EVC2: variants seen among roughly 807,000 people sequenced by gnomAD.
EVC2 encodes the protein limbin.
Under a neutral mutation model 149.3 loss-of-function variants are expected in EVC2, and 148 were observed. The observed-to-expected ratio is 0.99, with a 90% CI of 0.87 to 1.14. The LOEUF (loss-of-function observed/expected upper bound fraction) is 1.14, where lower values mean the gene tolerates loss of function less well. Among genes scored for constraint, EVC2 ranks in the 50% most tolerant of loss-of-function variants. The pLI, the probability that EVC2 is intolerant of heterozygous loss-of-function variation, is 0.00. For missense variants in EVC2, 1,854 were observed against 1,627.3 expected, an observed-to-expected ratio of 1.14 and a Z score of -2.40; for synonymous variants, 776 against 649.9, an observed-to-expected ratio of 1.19 and a Z score of -2.95.
At chr4:5,560,602 G>A (rs942154235), downstream of EVC2, among the ~76,000 whole-genome samples, 2 of 152,128 alleles carry the variant, frequency 1.3e-5, no homozygotes, top group Non-Finnish European at 2.9e-5. The surrounding 1 kb of genome is among the most constrained non-coding windows in gnomAD (Gnocchi z 4.1). Flanking sequence ...GGATTATAAG[G>A]ATTACAATTC....
intron 16 of EVC2, among the ~76,000 whole-genome samples, chr4:5,587,667 GTCT>G (rs1712413279): frequency 1.3e-5 from 2 of 152,188 alleles, no homozygotes; most frequent in African/African-American, 4.8e-5. Context: ...CAAGACTCCT[GTCT>G]CAAGAGCTGA....
intron 1 of EVC2, among the ~76,000 whole-genome samples, chr4:5,702,645 A>C (rs1490355969): frequency 6.6e-6 from 1 of 152,244 alleles, no homozygotes; most frequent in Non-Finnish European, 1.5e-5. Flanking sequence ...TGGCTACTGT[A>C]GTGGACAGTG....
chr4:5,703,222 G>A (rs73795007), intron 1 of EVC2, among the ~76,000 whole-genome samples: 3,571 of 152,288 alleles, frequency 0.023, 52 homozygotes, highest in Middle Eastern at 0.044. Context: ...TTGATGTTCC[G>A]TGAGGACTTA....
the EVC2 span, among the ~76,000 whole-genome samples, chr4:5,536,875 A>G: frequency 6.6e-6 from 1 of 152,174 alleles, no homozygotes; most frequent in Admixed American, 6.5e-5. Flanking sequence ...GAGAAAAATA[A>G]GCTAAGAAGT....
chr4:5,671,797 A>G (rs1719668040), intron 7 of EVC2, among the ~76,000 whole-genome samples: 1 of 152,204 alleles, frequency 6.6e-6, no homozygotes, highest in South Asian at 2.1e-4. Context: ...GACGTCAGCC[A>G]CTGCGCCTGG....
At chr4:5,650,177 G>A (rs1718006133) in intron 9 of EVC2, among the ~76,000 whole-genome samples, 1 of 152,104 alleles carries the variant, frequency 6.6e-6, no homozygotes, top group South Asian at 2.1e-4. Flanking sequence ...GCAGACAGAT[G>A]CCACTAACTC....
At chr4:5,572,458 T>G (rs76698870) in intron 19 of EVC2, among the ~76,000 whole-genome samples, 1 of 152,124 alleles carries the variant, frequency 6.6e-6, no homozygotes, top group African/African-American at 2.4e-5. Flanking sequence ...TTAGCCCTTT[T>G]TGCCTTCCCA....
chr4:5,631,680 G>A, intron 11 of EVC2, 113 bp downstream of exon 11: 1 of 1,399,614 alleles, frequency 7.1e-7, no homozygotes, highest in Non-Finnish European at 9.7e-7. Context: ...AGAAGAGAAA[G>A]CTCACTAGTG....
At chr4:5,629,680 C>T (rs1716387414) in intron 11 of EVC2, among the ~76,000 whole-genome samples, 2 of 152,236 alleles carry the variant, frequency 1.3e-5, no homozygotes, top group African/African-American at 4.8e-5. Flanking sequence ...TGGGAATTAG[C>T]ATCATCCAGT....
chr4:5,641,282 A>C (rs1717312450), intron 9 of EVC2, among the ~76,000 whole-genome samples: 1 of 152,222 alleles, frequency 6.6e-6, no homozygotes. Flanking sequence ...ATTAAAAACT[A>C]TGAAAATCTG....
chr4:5,563,245 AT>A (rs2108765418), intron 21 of EVC2, 130 bp from the exon 22 acceptor site: 1 of 899,726 alleles, frequency 1.1e-6, no homozygotes, highest in South Asian at 1.5e-5. Context: ...ACAAAAGGTT[AT>A]TTTCCCCCTT....
intron 9 of EVC2, among the ~76,000 whole-genome samples, chr4:5,647,543 G>A (rs55643200): frequency 0.028 from 4,294 of 152,268 alleles, 197 homozygotes; most frequent in African/African-American, 0.098. Flanking sequence ...AGGTTACAAA[G>A]CAAGAAAGAA....
At chr4:5,624,345 C>A (rs1715947388) in intron 13 of EVC2, among the ~76,000 whole-genome samples, 1 of 152,170 alleles carries the variant, frequency 6.6e-6, no homozygotes, top group African/African-American at 2.4e-5. Flanking sequence ...GTCACTCAAA[C>A]CAGCACTCCT....
At position 5,692,123 on chromosome 4, in the gene EVC2, G is replaced by A. The variant is rs1485231706; in HGVS notation, c.451-790C>T. Among the ~76,000 whole-genome samples the A allele has an allele frequency of 3.3e-5, 5 of 152,180 alleles. No individual in the cohort carries two copies. In the East Asian group the frequency reaches 9.6e-4, roughly 29 times the overall value. On this transcript the variant is annotated intron_variant, in intron 3 of 21. Transcript: ENST00000344408. ...CCTGTCACCTGCAGTGGAACAAGCTGTATTCTGAGTCACGGACTCTGGCAG... is the reference window on the plus strand; with the variant it reads ...CCTGTCACCTGCAGTGGAACAAGCTATATTCTGAGTCACGGACTCTGGCAG...
At chr4:5,667,995 A>G (rs1287681365) in intron 7 of EVC2, among the ~76,000 whole-genome samples, 1 of 152,252 alleles carries the variant, frequency 6.6e-6, no homozygotes. Flanking sequence ...TTCTAAGGAT[A>G]GCAGCCTTCG....
chr4:5,659,349 A>G (rs1718731933), intron 9 of EVC2, among the ~76,000 whole-genome samples: 1 of 151,940 alleles, frequency 6.6e-6, no homozygotes, highest in Non-Finnish European at 1.5e-5. Context: ...GGGAGCATCT[A>G]AGCAGGACCA....
At position 5,685,470 on chromosome 4, in the gene EVC2, G is replaced by C; in HGVS notation, c.716C>G (p.Ala239Gly). 1 of 1,614,144 alleles carries C rather than the reference G, an allele frequency of 6.2e-7. No homozygotes were observed. Among genetic ancestry groups the C allele is most frequent in the African/African-American group, 1.3e-5 (1 of 75,044 alleles). Residue 239 changes from alanine (A) to glycine (G), a missense_variant, in exon 6 of 22, where the codon GCC (alanine) becomes GGC (glycine). Transcript: ENST00000344408. The part of the protein sequence containing the change: ...FSKKFLQVGD[A>G]FAVSYAATLQ... ...CGTGGCTGCGTAGCTGACAGCAAAGGCATCTCCCACTGCGCAGAGAAAAGC... is the reference window on the plus strand; with the variant it reads ...CGTGGCTGCGTAGCTGACAGCAAAGCCATCTCCCACTGCGCAGAGAAAAGC...
At chr4:5,552,044 G>C (rs1721748705) in intron 21 of EVC2, among the ~76,000 whole-genome samples, 1 of 152,058 alleles carries the variant, frequency 6.6e-6, no homozygotes, top group African/African-American at 2.4e-5. Context: ...GTGAAAATAG[G>C]GTAATACACC....
Position 5,608,092 on chromosome 4 carries a change from G to A in EVC2, c.2829+7330C>T, listed in dbSNP as rs12641625. 1.4e-3 allele frequency among the ~76,000 whole-genome samples: 220 copies of A among 152,184 alleles called. 1 individual carries two copies. Among genetic ancestry groups the A allele is most frequent in the East Asian group, 8.7e-3 (45 of 5,164 alleles). ...CACCACTCGATGCTGGTGTGGCTGCGGACAATTTTCCCAATGCCTCCTGGC... is the reference window on the plus strand; with the variant it reads ...CACCACTCGATGCTGGTGTGGCTGCAGACAATTTTCCCAATGCCTCCTGGC... On this transcript the variant is annotated intron_variant, in intron 16 of 21. Transcript: ENST00000344408.
Sources: allele counts gnomAD v4.1 joint callset (sites outside exome capture counted in the v4.1 genomes callset), GRCh38; gene constraint gnomAD v4.1.1; non-coding constraint Gnocchi (gnomAD v3.1); transcripts MANE v1.5; gene names NCBI Gene and HGNC (gene_info 2026-07-23, HGNC 2026-07-21).